The following MYBPC2 variants were observed in gnomAD, a reference collection of about 807,000 sequenced individuals.
MYBPC2 encodes the protein myosin binding protein C2.
In MYBPC2, 122 loss-of-function variants were observed where a neutral mutation model predicts 137.0. The observed-to-expected ratio is 0.89, with a 90% CI of 0.77 to 1.03. The LOEUF (loss-of-function observed/expected upper bound fraction) is 1.03, where lower values mean the gene tolerates loss of function less well. Among genes scored for constraint, MYBPC2 ranks in the 50% least tolerant of loss-of-function variants. The pLI is 0.00. For missense variants in MYBPC2, 1,500 were observed against 1,534.4 expected, an observed-to-expected ratio of 0.98 and a Z score of 0.37; for synonymous variants, 626 against 612.3, an observed-to-expected ratio of 1.02 and a Z score of -0.33.
At chr19:50,446,099 C>T (rs1158514722) in intron 12 of MYBPC2, 47 bp downstream of exon 12, 4 of 1,580,496 alleles carry the variant, frequency 2.5e-6, no homozygotes, top group East Asian at 2.3e-5. Context: ...GCATGCTTCT[C>T]CACACAGCTT....
At position 50,448,425 on chromosome 19, in the gene MYBPC2, G is replaced by A. The variant is rs766907651; in HGVS notation, c.1472+35G>A. 4.4e-6 allele frequency: 7 copies of A among 1,607,138 alleles called. No individual in the cohort carries two copies. The African/African-American group carries it at 9.4e-5, about 22-fold the overall frequency. ...GGGCTGCAGAAGTGGCTGGGGGTAG[G>A]GTGTGCATAGCAGTTAGCTTTAGCT... On this transcript the variant is annotated intron_variant, in intron 13 of 27. Coordinates refer to ENST00000357701, the MANE Select transcript of MYBPC2 (RefSeq NM_004533.4).
At chr19:50,458,528 A>G in intron 20 of MYBPC2, 59 bp from the exon 21 acceptor site, 8 of 1,581,018 alleles carry the variant, frequency 5.1e-6, no homozygotes, top group Non-Finnish European at 6.8e-6. Context: ...CCCCGGGAGA[A>G]ACGGGAGCGG....
Position 50,459,312 on chromosome 19 carries a change from C to T in MYBPC2, c.2791+6C>T, listed in dbSNP as rs200114478. 1,204 of 1,520,264 alleles carry T rather than the reference C, an allele frequency of 7.9e-4. 14 individuals carry two copies. The African/African-American group carries it at 0.015, about 19-fold the overall frequency. 94.2% of individuals were successfully genotyped at this position (1,520,264 alleles called of 1,614,324 possible). A position where few individuals can be genotyped will look rare whatever the true frequency, so the allele number is the denominator to read the frequency against. ...CATCCGCATCCGCGTTGTGGGTGCG[C>T]GCGCTGGGGAGGGCCCCTGGAGGCC... On this transcript the variant is annotated splice_donor_region_variant and intron_variant, in intron 23 of 27. Coordinates refer to ENST00000357701, the MANE Select transcript of MYBPC2 (RefSeq NM_004533.4).
chr19:50,438,998 C>A (rs1601282097), intron 7 of MYBPC2, among the ~76,000 whole-genome samples: 1 of 152,178 alleles, frequency 6.6e-6, no homozygotes, highest in Non-Finnish European at 1.5e-5. Context: ...TCAATTCTGT[C>A]TGCAGCCAGC....
Position 50,464,451 on chromosome 19 carries a change from C to T in MYBPC2, c.3334C>T (p.Pro1112Ser), listed in dbSNP as rs771389012. Residue 1112 changes from proline to serine, a missense_variant, in exon 27 of 28, where the codon CCC becomes TCC. Coordinates refer to ENST00000357701, the MANE Select transcript of MYBPC2 (RefSeq NM_004533.4). ...GACGCTGAACATCCGTCGCCCCTCGCCCTTCGACGCTGGGACTTACACCTG... is the reference window on the plus strand; with the variant it reads ...GACGCTGAACATCCGTCGCCCCTCGTCCTTCGACGCTGGGACTTACACCTG... Reference protein sequence around the residue: ...VLTLNIRRPSPFDAGTYTCRA... With the variant: ...VLTLNIRRPSSFDAGTYTCRA... 1.9e-5 allele frequency: 31 copies of T among 1,612,110 alleles called. No individual in the cohort carries two copies. The highest frequency in any genetic ancestry group is 1.0e-4 in the Admixed American group (6 of 59,724).
intron 11 of MYBPC2, among the ~76,000 whole-genome samples, chr19:50,444,655 C>G (rs867579931): frequency 6.6e-6 from 1 of 151,732 alleles, no homozygotes; most frequent in Non-Finnish European, 1.5e-5. Context: ...CCGAGACGGG[C>G]GGATCACGAG....
chr19:50,464,489 C>A lies in MYBPC2; in HGVS notation c.3372C>A (p.Asn1124Lys). Reference protein sequence around the residue: ...DAGTYTCRAVNELGEALAECK... With the variant: ...DAGTYTCRAVKELGEALAECK... ...GGACTTACACCTGCCGGGCCGTCAACGAGCTGGGCGAGGCGCTGGCTGAGT... is the reference window on the plus strand; with the variant it reads ...GGACTTACACCTGCCGGGCCGTCAAAGAGCTGGGCGAGGCGCTGGCTGAGT... The change falls in exon 27 of 28, where the codon AAC becomes AAA. Residue 1124 changes from asparagine (N) to lysine (K), a missense_variant. Coordinates refer to ENST00000357701, the MANE Select transcript of MYBPC2 (RefSeq NM_004533.4). The A allele has an allele frequency of 6.2e-7, 1 of 1,612,820 alleles. No homozygotes were observed. Among genetic ancestry groups the A allele is most frequent in the Non-Finnish European group, 8.5e-7 (1 of 1,179,604 alleles).
chr19:50,455,091 C>G lies in MYBPC2; in HGVS notation c.2015-17C>G, dbSNP rs757010214. Reference sequence around the variant, plus strand: ...GCCCTCCCGTTCCCTCTTCTCCTCTCTGCTTGGAGCCTCCAGGGTACCTCG... The same window carrying G: ...GCCCTCCCGTTCCCTCTTCTCCTCTGTGCTTGGAGCCTCCAGGGTACCTCG... On this transcript the variant is annotated splice_polypyrimidine_tract_variant and intron_variant, in intron 18 of 27. Transcript: ENST00000357701. 1 of 1,599,638 alleles carries G rather than the reference C, an allele frequency of 6.3e-7. No homozygotes were observed. The highest frequency in any genetic ancestry group is 8.5e-7 in the Non-Finnish European group (1 of 1,172,792).
chr19:50,448,393 G>A lies in MYBPC2; in HGVS notation c.1472+3G>A. On this transcript the variant is annotated splice_donor_region_variant and intron_variant, in intron 13 of 27. Coordinates refer to ENST00000357701, the MANE Select transcript of MYBPC2 (RefSeq NM_004533.4). Reference sequence around the variant, plus strand: ...ATCACCATTTCCCATGTAGGCAGGTGAGGAGTGGGCTGCAGAAGTGGCTGG... The same window carrying A: ...ATCACCATTTCCCATGTAGGCAGGTAAGGAGTGGGCTGCAGAAGTGGCTGG... 2 of 1,613,224 alleles carry A rather than the reference G, an allele frequency of 1.2e-6. No homozygotes were observed. Among genetic ancestry groups the A allele is most frequent in the Non-Finnish European group, 1.7e-6 (2 of 1,179,356 alleles).
chr19:50,444,704 C>T (rs1428114461), intron 11 of MYBPC2, among the ~76,000 whole-genome samples: 3 of 151,460 alleles, frequency 2.0e-5, no homozygotes, highest in Non-Finnish European at 4.4e-5. Flanking sequence ...CACGGTGAAA[C>T]CCCGTTTCTA....
chr19:50,461,985 C>A lies in MYBPC2; in HGVS notation c.3177C>A (p.Val1059=), dbSNP rs372353378. 4.4e-6 allele frequency: 7 copies of A among 1,577,186 alleles called. No homozygotes were observed. In the Admixed American group the frequency reaches 1.1e-4, roughly 25 times the overall value. ...TGACACCTCTCATAGACCGCGTGGT[C>A]GTGGCTGGGTACTCGGCAGCCCTCA... ...KFLTPLIDRV[V]VAGYSAALNC... is the part of the protein sequence containing the mutation. The change falls in exon 26 of 28, where the codon GTC becomes GTA. Residue 1059 remains valine, a synonymous_variant. Coordinates refer to ENST00000357701, the MANE Select transcript of MYBPC2 (RefSeq NM_004533.4).
Position 50,448,379 on chromosome 19 carries a change from C to T in MYBPC2, c.1461C>T (p.Ser487=), listed in dbSNP as rs774391256. Residue 487 remains serine, a synonymous_variant, in exon 13 of 28, where the codon TCC becomes TCT. Transcript: ENST00000357701. Reference sequence around the variant, plus strand: ...GGCCCAGCAAGAGGATCACCATTTCCCATGTAGGCAGGTGAGGAGTGGGCT... The same window carrying T: ...GGCCCAGCAAGAGGATCACCATTTCTCATGTAGGCAGGTGAGGAGTGGGCT... ...EVRPSKRITI[S]HVGRFHKLVI... is the part of the protein sequence containing the mutation. The T allele has an allele frequency of 2.9e-5, 47 of 1,613,364 alleles. No individual in the cohort carries two copies. Among genetic ancestry groups the T allele is most frequent in the Non-Finnish European group, 3.7e-5 (44 of 1,179,568 alleles).
intron 26 of MYBPC2, among the ~76,000 whole-genome samples, chr19:50,462,401 C>T (rs1177261372): frequency 1.3e-5 from 2 of 152,012 alleles, no homozygotes; most frequent in African/African-American, 4.8e-5. Flanking sequence ...CCAGGCTGGT[C>T]TTGAACTCCT....
In MYBPC2 at chr19:50,445,415, C is replaced by G. The variant is rs1224040335; in HGVS notation, c.1134-465C>G. 2.1e-5 allele frequency among the ~76,000 whole-genome samples: 3 copies of G among 144,002 alleles called. No individual in the cohort carries two copies. The East Asian group carries it at 6.2e-4, about 30-fold the overall frequency. The allele number at this position is 144,002 out of a possible 152,430, so 94.5% of individuals were successfully genotyped here. On this transcript the variant is annotated intron_variant, in intron 11 of 27. Transcript: ENST00000357701. ...CTGCCTTTTTTTTTTTTTTTTGAGA[C>G]AGAGTCTCACTCTGTCACCCAGGCT...
At chr19:50,436,217 T>C (rs2039702539) in intron 4 of MYBPC2, 57 bp downstream of exon 4, 1 of 1,536,854 alleles carries the variant, frequency 6.5e-7, no homozygotes, top group Non-Finnish European at 8.8e-7. Flanking sequence ...GTGCAGGACA[T>C]GCTCCTCAGA....
intron 8 of MYBPC2, 81 bp downstream of exon 8, chr19:50,441,157 A>T (rs2122584496): frequency 7.2e-7 from 1 of 1,397,086 alleles, no homozygotes; most frequent in South Asian, 1.6e-5. Context: ...TGGACCCTGG[A>T]CCTATCTTTT....
chr19:50,458,087 G>A (rs1389990893), intron 20 of MYBPC2, among the ~76,000 whole-genome samples: 4 of 151,490 alleles, frequency 2.6e-5, no homozygotes, highest in Non-Finnish European at 5.9e-5. Context: ...CGAGGTGGGC[G>A]GATCACGAGG....
Position 50,435,011 on chromosome 19 carries a change from T to G in MYBPC2, c.20-150T>G. The stretch of plus-strand genomic sequence containing the variant: ...TCTGAGGGAGGAGGGGCTGGGGGCC[T>G]GGACTCCTGGGTCTGAGGGAGGAGG... On this transcript the variant is annotated intron_variant, in intron 1 of 27. Transcript: ENST00000357701. This position sits in a 1 kb window ranked among gnomAD's most constrained non-coding sequence, Gnocchi z 4.8. 1.7e-6 allele frequency: 1 copy of G among 589,524 alleles called. No homozygotes were observed. The allele number at this position is 589,524 out of a possible 1,614,324, so 36.5% of individuals were successfully genotyped here. A position where few individuals can be genotyped will look rare whatever the true frequency, so the allele number is the denominator to read the frequency against.
At chr19:50,451,758 T>A in intron 15 of MYBPC2, 106 bp from the exon 16 acceptor site, 2 of 1,476,332 alleles carry the variant, frequency 1.4e-6, no homozygotes, top group Admixed American at 4.1e-5. Flanking sequence ...TGGATCCCTG[T>A]GTCTCTGTCA....
Sources: gnomAD v4.1 joint callset for allele counts (sites outside exome capture counted in the v4.1 genomes callset) on GRCh38, gnomAD v4.1.1 for gene constraint, Gnocchi (gnomAD v3.1) non-coding constraint, MANE v1.5 for transcripts, NCBI Gene and HGNC (gene_info 2026-07-23, HGNC 2026-07-21) for gene names.